CAB39: variants seen among roughly 807,000 people sequenced by gnomAD.
CAB39 encodes the protein calcium binding protein 39.
In CAB39, 8 loss-of-function variants were observed where a neutral mutation model predicts 40.0. The observed-to-expected ratio is 0.20, with a 90% CI of 0.12 to 0.36. The LOEUF (loss-of-function observed/expected upper bound fraction) is 0.36, where lower values mean the gene tolerates loss of function less well. Among genes scored for constraint, CAB39 ranks in the 10% least tolerant of loss-of-function variants. The pLI is 1.00. For missense variants in CAB39, 270 were observed against 401.1 expected (o/e 0.67, Z 2.79); for synonymous variants, 156 against 141.6 (o/e 1.10, Z -0.72).
At chr2:230,815,200 G>C in intron 7 of CAB39, among the ~76,000 whole-genome samples, 1 of 152,256 alleles carries the variant, frequency 6.6e-6, no homozygotes, top group East Asian at 1.9e-4. Flanking sequence ...GTGTAAGGCT[G>C]TAATTCCTGC....
chr2:230,773,757 CA>C (rs1197402030), intron 2 of CAB39, among the ~76,000 whole-genome samples: 1 of 152,106 alleles, frequency 6.6e-6, no homozygotes, highest in Non-Finnish European at 1.5e-5. Flanking sequence ...TATAATGTAA[CA>C]AAAGGATTCG....
intron 2 of CAB39, among the ~76,000 whole-genome samples, chr2:230,780,968 GC>G (rs1289784409): frequency 1.3e-5 from 2 of 151,980 alleles, no homozygotes; most frequent in African/African-American, 4.8e-5. Context: ...TGTAGTCCCA[GC>G]TACTCGGGAG....
chr2:230,792,791 C>T (rs553722409), intron 3 of CAB39, among the ~76,000 whole-genome samples: 3 of 152,274 alleles, frequency 2.0e-5, no homozygotes, highest in African/African-American at 7.2e-5. Context: ...ATTTTCCTCT[C>T]CTTCCATCAC....
intron 2 of CAB39, among the ~76,000 whole-genome samples, chr2:230,773,312 A>G (rs62193635): frequency 0.019 from 1,585 of 85,046 alleles, 22 homozygotes; most frequent in African/African-American, 0.078. Flanking sequence ...ATATATATAT[A>G]TATGTGTGTG....
At chr2:230,748,831 A>AATATATATATATATATATAT (rs71052546) in intron 1 of CAB39, among the ~76,000 whole-genome samples, 15 of 28,456 alleles carry the variant, frequency 5.3e-4, no homozygotes, top group Non-Finnish European at 7.6e-4. Flanking sequence ...AAAAAAAAAA[A>AATATATATATATATATATAT]ATATATATAT....
chr2:230,785,491 G>A (rs1314231739), intron 2 of CAB39, among the ~76,000 whole-genome samples: 2 of 151,926 alleles, frequency 1.3e-5, no homozygotes, highest in Admixed American at 6.6e-5. Flanking sequence ...TTAGGTGAGG[G>A]GAGATTGACT....
At chr2:230,759,833 A>G (rs1695257995) in intron 1 of CAB39, 126 bp from the exon 2 acceptor site, 1 of 482,666 alleles carries the variant, frequency 2.1e-6, no homozygotes, top group Non-Finnish European at 3.8e-6. Context: ...CCCTGTTCCT[A>G]CTGATTTTGA....
chr2:230,763,706 A>G (rs901824480), intron 2 of CAB39, among the ~76,000 whole-genome samples: 10 of 152,226 alleles, frequency 6.6e-5, no homozygotes, highest in African/African-American at 2.4e-4. Flanking sequence ...ATACCATGCA[A>G]TTGGTGGTTT....
At chr2:230,746,115 G>C (rs573451954) in intron 1 of CAB39, among the ~76,000 whole-genome samples, 1 of 152,002 alleles carries the variant, frequency 6.6e-6, no homozygotes, top group African/African-American at 2.4e-5. Flanking sequence ...ATATTTTTTT[G>C]TAATACTTGA....
At chr2:230,743,143 A>G (rs966843159) in intron 1 of CAB39, among the ~76,000 whole-genome samples, 2 of 152,234 alleles carry the variant, frequency 1.3e-5, no homozygotes, top group Non-Finnish European at 2.9e-5. Context: ...GGAAACTGGC[A>G]TTAAAGCTCA....
chr2:230,768,431 G>T (rs945373018), intron 2 of CAB39, among the ~76,000 whole-genome samples: 1 of 152,140 alleles, frequency 6.6e-6, no homozygotes, highest in South Asian at 2.1e-4. Context: ...GGTGATCAGG[G>T]GACATTTTTC....
intron 4 of CAB39, among the ~76,000 whole-genome samples, chr2:230,796,125 G>C (rs1175223300): frequency 1.3e-5 from 2 of 152,226 alleles, no homozygotes; most frequent in East Asian, 3.9e-4. Context: ...CATTTTGTAC[G>C]AGTCCTGCCA....
chr2:230,806,125 A>G (rs1221532951), intron 5 of CAB39, among the ~76,000 whole-genome samples: 1 of 152,194 alleles, frequency 6.6e-6, no homozygotes, highest in Non-Finnish European at 1.5e-5. Flanking sequence ...AAAATGAGAT[A>G]CTAAGTATAA....
At chr2:230,746,427 G>A (rs1240283532) in intron 1 of CAB39, among the ~76,000 whole-genome samples, 1 of 152,180 alleles carries the variant, frequency 6.6e-6, no homozygotes, top group African/African-American at 2.4e-5. Context: ...AAAAAGCTGT[G>A]ACGCTGCATA....
chr2:230,732,912 T>C (rs940671352), intron 1 of CAB39, among the ~76,000 whole-genome samples: 3 of 152,258 alleles, frequency 2.0e-5, no homozygotes, highest in Admixed American at 6.5e-5. Context: ...ATTTACTGAT[T>C]TGAAGTATTA....
At chr2:230,717,768 A>G (rs923429890) in intron 1 of CAB39, among the ~76,000 whole-genome samples, 2 of 152,188 alleles carry the variant, frequency 1.3e-5, no homozygotes, top group African/African-American at 4.8e-5. Context: ...TGAGCTTCCC[A>G]GTCCCACTGT....
intron 1 of CAB39, among the ~76,000 whole-genome samples, chr2:230,756,754 G>A (rs573434839): frequency 3.3e-5 from 5 of 151,128 alleles, no homozygotes; most frequent in South Asian, 2.1e-4. Flanking sequence ...GTGCAGTGGC[G>A]TGATCTTAGC....
At chr2:230,736,122 T>A (rs1040006747) in intron 1 of CAB39, among the ~76,000 whole-genome samples, 5 of 152,196 alleles carry the variant, frequency 3.3e-5, no homozygotes, top group African/African-American at 9.6e-5. Context: ...ACATTGTACA[T>A]GTTGATGGCT....
At chr2:230,717,777 G>A (rs1300688721) in intron 1 of CAB39, among the ~76,000 whole-genome samples, 2 of 152,190 alleles carry the variant, frequency 1.3e-5, no homozygotes, top group Admixed American at 6.5e-5. Context: ...CAGTCCCACT[G>A]TGCTTTTAAC....
Sources: allele counts gnomAD v4.1 joint callset (sites outside exome capture counted in the v4.1 genomes callset), GRCh38; gene constraint gnomAD v4.1.1; transcripts MANE v1.5; gene names NCBI Gene and HGNC (gene_info 2026-07-23, HGNC 2026-07-21).